GALNTL6: variants seen among roughly 807,000 people sequenced by gnomAD.
GALNTL6 encodes the protein polypeptide N-acetylgalactosaminyltransferase like 6.
GALNTL6 carries 46 observed loss-of-function variants against 73.7 expected under a neutral mutation model. That is an observed-to-expected ratio of 0.62 (90% CI 0.49 to 0.80). GALNTL6 has a LOEUF of 0.80. Among genes scored for constraint, GALNTL6 ranks in the 30% least tolerant of loss-of-function variants. The pLI, the probability that GALNTL6 is intolerant of heterozygous loss-of-function variation, is 0.00. For synonymous variants in GALNTL6, 259 were observed against 263.7 expected (o/e 0.98, Z 0.17); for missense variants, 604 against 755.0 (o/e 0.80, Z 2.34).
chr4:172,943,095 CTTT>C (rs201726639), intron 9 of GALNTL6, among the ~76,000 whole-genome samples: 17 of 142,222 alleles, frequency 1.2e-4, no homozygotes, highest in Admixed American at 1.4e-4. Context: ...TCCTATTATC[CTTT>C]TTTTTTTTTT....
intron 5 of GALNTL6, among the ~76,000 whole-genome samples, chr4:172,603,884 G>C (rs1579232694): frequency 2.0e-5 from 3 of 152,264 alleles, no homozygotes; most frequent in Admixed American, 2.0e-4. Context: ...AAAGTTAAGA[G>C]GCAGTCTTCA....
At chr4:172,723,020 A>G (rs945420862) in intron 5 of GALNTL6, among the ~76,000 whole-genome samples, 9 of 152,146 alleles carry the variant, frequency 5.9e-5, no homozygotes, top group African/African-American at 1.7e-4. Flanking sequence ...AGGATAATCC[A>G]TTTTCTTGAC....
At chr4:171,926,816 T>C (rs1737997714) in intron 2 of GALNTL6, among the ~76,000 whole-genome samples, 1 of 152,174 alleles carries the variant, frequency 6.6e-6, no homozygotes, top group African/African-American at 2.4e-5. Context: ...TTTTCCTTCC[T>C]GATTAGCAAA....
At chr4:172,570,328 A>G (rs986875559) in intron 5 of GALNTL6, among the ~76,000 whole-genome samples, 3 of 152,188 alleles carry the variant, frequency 2.0e-5, no homozygotes, top group Non-Finnish European at 4.4e-5. Flanking sequence ...AAGGATAACC[A>G]GTGGGGCTAG....
chr4:172,191,737 T>C (rs1159516037), intron 2 of GALNTL6, among the ~76,000 whole-genome samples: 2 of 152,220 alleles, frequency 1.3e-5, no homozygotes, highest in African/African-American at 4.8e-5. Context: ...GGATTCTATA[T>C]AGATTTCATT....
chr4:172,372,500 C>T (rs1330289916), intron 5 of GALNTL6, among the ~76,000 whole-genome samples: 3 of 152,162 alleles, frequency 2.0e-5, no homozygotes, highest in Non-Finnish European at 4.4e-5. Flanking sequence ...GCCACAACTA[C>T]CCGTAAAACA....
chr4:172,427,273 T>TA (rs1393490210), intron 5 of GALNTL6, among the ~76,000 whole-genome samples: 5 of 152,062 alleles, frequency 3.3e-5, no homozygotes, highest in African/African-American at 1.2e-4. Context: ...TGGCAGAAGG[T>TA]GAATGTGGAA....
intron 5 of GALNTL6, among the ~76,000 whole-genome samples, chr4:172,745,040 G>T (rs1737023320): frequency 6.6e-6 from 1 of 151,930 alleles, no homozygotes; most frequent in African/African-American, 2.4e-5. Flanking sequence ...GGTGATCATT[G>T]AAGTAACTAG....
chr4:172,369,600 C>T (rs1215550417), intron 5 of GALNTL6, among the ~76,000 whole-genome samples: 1 of 152,182 alleles, frequency 6.6e-6, no homozygotes, highest in Non-Finnish European at 1.5e-5. Flanking sequence ...GGCTGCAGGT[C>T]CCGAGCCCTG....
At chr4:173,012,601 G>T (rs1752604881) in intron 11 of GALNTL6, among the ~76,000 whole-genome samples, 1 of 152,174 alleles carries the variant, frequency 6.6e-6, no homozygotes, top group Non-Finnish European at 1.5e-5. Flanking sequence ...AATCTTTCTA[G>T]GCCATAGTTC....
At chr4:172,849,015 A>G (rs949219869) in intron 7 of GALNTL6, among the ~76,000 whole-genome samples, 1 of 152,166 alleles carries the variant, frequency 6.6e-6, no homozygotes, top group African/African-American at 2.4e-5. Flanking sequence ...GAGGGAAGCC[A>G]CCACCAAGAA....
rs566742657 is a variant in GALNTL6, at chr4:171,825,762, G to A, written c.138+11044G>A. 1.7e-3 allele frequency among the ~76,000 whole-genome samples: 260 copies of A among 152,084 alleles called. 3 individuals carry two copies. The highest frequency in any genetic ancestry group is 3.9e-4 in the East Asian group (2 of 5,172). On this transcript the variant is annotated intron_variant, in intron 2 of 12. Coordinates refer to ENST00000506823, the MANE Select transcript of GALNTL6 (RefSeq NM_001034845.3). The stretch of plus-strand genomic sequence containing the variant: ...CCTTTAAAAGACAAGTTTCACATAG[G>A]GACTGATTGGATCAATTATTAGCCC...
In GALNTL6 at chr4:172,809,582, C is replaced by T; in HGVS notation, c.739+36C>T. ...GTTGCTAAGCACCATCCTGGGATGCCTCAGGGGAACTGAGCGGTTTGCTTC... is the reference window on the plus strand; with the variant it reads ...GTTGCTAAGCACCATCCTGGGATGCTTCAGGGGAACTGAGCGGTTTGCTTC... On this transcript the variant is annotated intron_variant, in intron 6 of 12. Coordinates refer to ENST00000506823, the MANE Select transcript of GALNTL6 (RefSeq NM_001034845.3). The surrounding 1 kb of genome is among the most constrained non-coding windows in gnomAD (Gnocchi z 4.4). 6.5e-7 allele frequency: 1 copy of T among 1,528,184 alleles called. No homozygotes were observed. Among genetic ancestry groups the T allele is most frequent in the South Asian group, 1.2e-5 (1 of 82,102 alleles). 94.7% of individuals were successfully genotyped at this position (1,528,184 alleles called of 1,614,324 possible). A position where few individuals can be genotyped will look rare whatever the true frequency, so the allele number is the denominator to read the frequency against.
chr4:172,522,290 C>T (rs1734800814), intron 5 of GALNTL6, among the ~76,000 whole-genome samples: 1 of 152,056 alleles, frequency 6.6e-6, no homozygotes, highest in Non-Finnish European at 1.5e-5. Context: ...GTAATTTTAT[C>T]AGGATACTTT....
chr4:172,787,555 G>A (rs895937827), intron 5 of GALNTL6, among the ~76,000 whole-genome samples: 1 of 152,156 alleles, frequency 6.6e-6, no homozygotes, highest in Non-Finnish European at 1.5e-5. Flanking sequence ...TAAAGCAAAG[G>A]TTCCCACTAT....
chr4:172,908,779 A>G (rs1278668315), intron 8 of GALNTL6, among the ~76,000 whole-genome samples: 2 of 151,970 alleles, frequency 1.3e-5, no homozygotes, highest in East Asian at 1.9e-4. Context: ...CTGTCAAAAA[A>G]TGTTATAATC....
chr4:172,256,438 T>C (rs1332034007), intron 3 of GALNTL6, among the ~76,000 whole-genome samples: 1 of 151,486 alleles, frequency 6.6e-6, no homozygotes, highest in Non-Finnish European at 1.5e-5. Context: ...GTTCCCCCAG[T>C]TAAATCATTT....
intron 5 of GALNTL6, among the ~76,000 whole-genome samples, chr4:172,709,777 A>G (rs1455376488): frequency 2.6e-5 from 4 of 152,200 alleles, no homozygotes; most frequent in Non-Finnish European, 5.9e-5. Flanking sequence ...ATGTTAAAAA[A>G]TTGAGACAAT....
intron 10 of GALNTL6, among the ~76,000 whole-genome samples, chr4:172,957,630 A>G (rs1343559627): frequency 6.6e-6 from 1 of 152,208 alleles, no homozygotes; most frequent in Non-Finnish European, 1.5e-5. Context: ...GGCTTTGAGA[A>G]GCGTTTTTAT....
Sources: allele counts gnomAD v4.1 joint callset (sites outside exome capture counted in the v4.1 genomes callset), GRCh38; gene constraint gnomAD v4.1.1; non-coding constraint Gnocchi (gnomAD v3.1); transcripts MANE v1.5; gene names NCBI Gene and HGNC (gene_info 2026-07-23, HGNC 2026-07-21).